Variants in SMAD5 observed in about 807,000 individuals in gnomAD.
SMAD5 encodes the protein MAD, mothers against decapentaplegic homolog 5.
SMAD5 carries 9 observed loss-of-function variants against 43.1 expected under a neutral mutation model. That is an observed-to-expected ratio of 0.21 (90% CI 0.13 to 0.36). The LOEUF is 0.36. Among genes scored for constraint, SMAD5 ranks in the 10% least tolerant of loss-of-function variants. The pLI, the probability that SMAD5 is intolerant of heterozygous loss-of-function variation, is 1.00. For synonymous variants in SMAD5, 190 were observed against 192.4 expected (o/e 0.99, Z 0.10); for missense variants, 348 against 574.0 (o/e 0.61, Z 4.02).
chr5:136,161,121 T>C lies in SMAD5; in HGVS notation c.655+14T>C. 1.3e-6 allele frequency: 2 copies of C among 1,590,576 alleles called. No homozygotes were observed. The highest frequency in any genetic ancestry group is 1.7e-6 in the Non-Finnish European group (2 of 1,173,820). On this transcript the variant is annotated intron_variant, in intron 4 of 7. Coordinates refer to ENST00000545279, the MANE Select transcript of SMAD5 (RefSeq NM_005903.7). ...TTCAGCTCCCAGGTAAGACTTTATT[T>C]TATTGATACCAAAAAAAAAAAAATT...
At chr5:136,147,741 A>T (rs1476616758) in intron 1 of SMAD5, 91 bp from the exon 2 acceptor site, 1 of 151,854 alleles carries the variant, frequency 6.6e-6, no homozygotes, top group East Asian at 1.9e-4. Flanking sequence ...TGGCATAGTG[A>T]GTGCTCAATA....
intron 1 of SMAD5, among the ~76,000 whole-genome samples, chr5:136,143,720 A>T (rs1287031705): frequency 6.6e-6 from 1 of 151,886 alleles, no homozygotes; most frequent in Non-Finnish European, 1.5e-5. Flanking sequence ...TTGTGCTTAT[A>T]TGACAAGCAG....
At chr5:136,168,742 T>G (rs960235993) in intron 5 of SMAD5, among the ~76,000 whole-genome samples, 6 of 152,260 alleles carry the variant, frequency 3.9e-5, no homozygotes, top group African/African-American at 1.4e-4. Context: ...CCACAACCCC[T>G]TGCAACCACT....
At chr5:136,156,422 A>G (rs1430936870) in intron 3 of SMAD5, among the ~76,000 whole-genome samples, 2 of 152,110 alleles carry the variant, frequency 1.3e-5, no homozygotes, top group Non-Finnish European at 2.9e-5. Flanking sequence ...TCACGTGGAG[A>G]TGTGTGGTAA....
intron 5 of SMAD5, among the ~76,000 whole-genome samples, chr5:136,166,169 T>C (rs1172245830): frequency 6.6e-6 from 1 of 151,022 alleles, no homozygotes; most frequent in Non-Finnish European, 1.5e-5. Flanking sequence ...TTTTTATCTT[T>C]TTTTTTTTTT....
At chr5:136,176,230 G>C (rs1754409855) in intron 7 of SMAD5, among the ~76,000 whole-genome samples, 1 of 151,648 alleles carries the variant, frequency 6.6e-6, no homozygotes, top group Non-Finnish European at 1.5e-5. Context: ...AAGGCAGGTG[G>C]ATCACCTGAG....
chr5:136,135,420 T>C (rs1752840135), intron 1 of SMAD5, among the ~76,000 whole-genome samples: 1 of 152,178 alleles, frequency 6.6e-6, no homozygotes. Context: ...TGATTTGCAG[T>C]GATGATCTTT....
At chr5:136,154,203 C>CAAAAAA (rs1753559371) in intron 3 of SMAD5, 40 bp downstream of exon 3, 1 of 1,285,708 alleles carries the variant, frequency 7.8e-7, no homozygotes, top group African/African-American at 1.5e-5. Flanking sequence ...AAAACAAAAA[C>CAAAAAA]AAAAAACCTC....
chr5:136,180,501 C>A lies in SMAD5; in HGVS notation c.*3021C>A, dbSNP rs1754590244. ...GGCAAAAAGCAAGATATAAGAGATT[C>A]ATTTGCTTAACATTTCTACATAATA... On this transcript the variant is annotated 3_prime_UTR_variant, in exon 8 of 8. Transcript: ENST00000545279. 3 of 152,056 alleles carry A rather than the reference C, an allele frequency of 2.0e-5. No individual in the cohort carries two copies. Among genetic ancestry groups the A allele is most frequent in the African/African-American group, 7.2e-5 (3 of 41,442 alleles). 9.4% of individuals were successfully genotyped at this position (152,056 alleles called of 1,614,324 possible).
chr5:136,150,996 G>A (rs1003563491), intron 2 of SMAD5, among the ~76,000 whole-genome samples: 1 of 151,930 alleles, frequency 6.6e-6, no homozygotes, highest in African/African-American at 2.4e-5. Flanking sequence ...GACTGAGTCT[G>A]GTGTGTTTCA....
chr5:136,158,283 A>T lies in SMAD5; in HGVS notation c.404-2573A>T, dbSNP rs188175910. 3.0e-4 allele frequency among the ~76,000 whole-genome samples: 45 copies of T among 152,264 alleles called. No homozygotes were observed. In the East Asian group the frequency reaches 7.0e-3, roughly 24 times the overall value. ...CATAGATTAAAAAAAAGATTCTGAA[A>T]ACTTTCCAGAAAAGAAAGACAGGAA... is the stretch of plus-strand genomic sequence containing the variant. On this transcript the variant is annotated intron_variant, in intron 3 of 7. Coordinates refer to ENST00000545279, the MANE Select transcript of SMAD5 (RefSeq NM_005903.7).
intron 5 of SMAD5, among the ~76,000 whole-genome samples, chr5:136,168,065 TC>T (rs1754081169): frequency 6.6e-6 from 1 of 152,158 alleles, no homozygotes. Context: ...GGTCTTGAAC[TC>T]CTGACCTCAC....
Position 136,179,738 on chromosome 5 carries a change from G to T in SMAD5, c.*2258G>T, listed in dbSNP as rs1754557099. 1 of 152,182 alleles carries T rather than the reference G, an allele frequency of 6.6e-6. No individual in the cohort carries two copies. Among genetic ancestry groups the T allele is most frequent in the South Asian group, 2.1e-4 (1 of 4,832 alleles). 9.4% of individuals were successfully genotyped at this position (152,182 alleles called of 1,614,324 possible). A position where few individuals can be genotyped will look rare whatever the true frequency, so the allele number is the denominator to read the frequency against. On this transcript the variant is annotated 3_prime_UTR_variant, in exon 8 of 8. Coordinates refer to ENST00000545279, the MANE Select transcript of SMAD5 (RefSeq NM_005903.7). Reference sequence around the variant, plus strand: ...AAAGAGAATATTTGCTTACTTGATAGAACTTTGGCATTTTCATCATTCTTT... The same window carrying T: ...AAAGAGAATATTTGCTTACTTGATATAACTTTGGCATTTTCATCATTCTTT...
chr5:136,144,443 A>G (rs916800383), intron 1 of SMAD5, among the ~76,000 whole-genome samples: 1 of 151,998 alleles, frequency 6.6e-6, no homozygotes, highest in Non-Finnish European at 1.5e-5. Context: ...ATGTTATTGA[A>G]ATAAGATTAA....
intron 3 of SMAD5, among the ~76,000 whole-genome samples, chr5:136,156,925 G>A (rs2149770573): frequency 6.6e-6 from 1 of 151,722 alleles, no homozygotes; most frequent in Non-Finnish European, 1.5e-5. Flanking sequence ...TGGGGGAAGG[G>A]GCAGATTACC....
Position 136,177,573 on chromosome 5 carries a change from C to A in SMAD5, c.*93C>A. 1 of 874,170 alleles carries A rather than the reference C, an allele frequency of 1.1e-6. No homozygotes were observed. The highest frequency in any genetic ancestry group is 1.7e-6 in the Non-Finnish European group (1 of 576,180). 54.2% of individuals were successfully genotyped at this position (874,170 alleles called of 1,614,324 possible). ...AGATACTGTGAGCTTACATTGAAAA[C>A]AGATATTACAGCTTATTTTTTTCTA... On this transcript the variant is annotated 3_prime_UTR_variant, in exon 8 of 8. Transcript: ENST00000545279.
At chr5:136,171,475 A>G (rs1487640020) in intron 5 of SMAD5, among the ~76,000 whole-genome samples, 2 of 152,244 alleles carry the variant, frequency 1.3e-5, no homozygotes, top group Non-Finnish European at 2.9e-5. Context: ...TTGGGAGGGT[A>G]GAACATCAAA....
At chr5:136,176,457 C>CAAAAAAAAAAAAAAAAAAAAAAAA (rs60311104) in intron 7 of SMAD5, among the ~76,000 whole-genome samples, 1 of 68,534 alleles carries the variant, frequency 1.5e-5, no homozygotes, top group African/African-American at 4.9e-5. Context: ...CTCTGTCTCA[C>CAAAAAAAAAAAAAAAAAAAAAAAA]AAAAAAAAAA....
intron 5 of SMAD5, 150 bp downstream of exon 5, chr5:136,163,541 C>A: frequency 1.8e-6 from 1 of 544,802 alleles, no homozygotes; most frequent in Non-Finnish European, 3.1e-6. Context: ...TTGGTAAATA[C>A]ACCAAGTTTT....
Sources: gnomAD v4.1 joint callset for allele counts (sites outside exome capture counted in the v4.1 genomes callset) on GRCh38, gnomAD v4.1.1 for gene constraint, MANE v1.5 for transcripts, NCBI Gene and HGNC (gene_info 2026-07-23, HGNC 2026-07-21) for gene names.